CROCC2: variants seen among roughly 807,000 people sequenced by gnomAD.
CROCC2 encodes ciliary rootlet coiled-coil protein 2.
CROCC2 carries 163 observed loss-of-function variants against 177.6 expected under a neutral mutation model. That is an observed-to-expected ratio of 0.92 (90% CI 0.81 to 1.05). CROCC2 has a LOEUF of 1.05. Ranked by LOEUF, CROCC2 falls within the 50% of genes least tolerant of loss-of-function variation. The pLI, the probability that CROCC2 is intolerant of heterozygous loss-of-function variation, is 0.00. For synonymous variants in CROCC2, 904 were observed against 787.3 expected, an observed-to-expected ratio of 1.15 and a Z score of -2.48; for missense variants, 1,929 against 1,797.8, an observed-to-expected ratio of 1.07 and a Z score of -1.32.
At chr2:240,923,074 C>T (rs370117818) in intron 4 of CROCC2, among the ~76,000 whole-genome samples, 21 of 152,218 alleles carry the variant, frequency 1.4e-4, no homozygotes, top group African/African-American at 4.6e-4. Flanking sequence ...CCCTCCCCCG[C>T]TCCACAGGCC....
intron 4 of CROCC2, 76 bp from the exon 5 acceptor site, chr2:240,925,648 T>C: frequency 1.6e-6 from 1 of 632,984 alleles, no homozygotes; most frequent in East Asian, 2.7e-5. Flanking sequence ...TTCAAGCCCC[T>C]TGACTTGGGG....
chr2:240,933,071 G>A, intron 9 of CROCC2, 60 bp from the exon 10 acceptor site: 1 of 1,541,916 alleles, frequency 6.5e-7, no homozygotes. Flanking sequence ...GCCCTGGTGG[G>A]CCTCGGTGGG....
At chr2:240,942,140 A>C (rs2059498488) in intron 14 of CROCC2, among the ~76,000 whole-genome samples, 1 of 152,252 alleles carries the variant, frequency 6.6e-6, no homozygotes, top group South Asian at 2.1e-4. Flanking sequence ...ACCCAGTCTC[A>C]GGTACTTTGT....
chr2:240,971,468 G>T (rs115005249), intron 27 of CROCC2, among the ~76,000 whole-genome samples: 1 of 152,138 alleles, frequency 6.6e-6, no homozygotes, highest in Non-Finnish European at 1.5e-5. Flanking sequence ...CTCCTTGTTT[G>T]CCTCTGACCT....
intron 14 of CROCC2, among the ~76,000 whole-genome samples, chr2:240,941,468 G>C (rs1328850380): frequency 6.6e-6 from 1 of 152,152 alleles, no homozygotes; most frequent in Non-Finnish European, 1.5e-5. Context: ...CATGGTACTG[G>C]TATAAAAATA....
intron 1 of CROCC2, among the ~76,000 whole-genome samples, chr2:240,914,359 C>T (rs1257694809): frequency 6.6e-6 from 1 of 152,226 alleles, no homozygotes; most frequent in Non-Finnish European, 1.5e-5. Context: ...GATGTGAAAA[C>T]GTTTGCAAGT....
Position 240,989,836 on chromosome 2 carries a change from A to G in CROCC2, c.4863+3A>G, listed in dbSNP as rs745413361. The G allele has an allele frequency of 6.2e-4, 950 of 1,537,810 alleles. 4 individuals carry two copies. Among genetic ancestry groups the G allele is most frequent in the Admixed American group, 7.5e-4 (38 of 50,562 alleles). On this transcript the variant is annotated splice_donor_region_variant and intron_variant, in intron 30 of 31. Coordinates refer to ENST00000690015, the MANE Select transcript of CROCC2 (RefSeq NM_001351305.2). ...AGGTAAAGGTGCTGGAAGAGCAGGT[A>G]AGGTCGGGACCCCAGCCCCCTGGGT...
intron 12 of CROCC2, 52 bp downstream of exon 12, chr2:240,934,527 C>G: frequency 6.6e-7 from 1 of 1,505,240 alleles, no homozygotes; most frequent in South Asian, 1.3e-5. Flanking sequence ...CCCCCACCCA[C>G]CCTGGCCTCA....
chr2:240,933,051 G>C lies in CROCC2; in HGVS notation c.1252-80G>C, dbSNP rs1574758774. ...CCAGTGTCGGGGGTGTCCTTTCTGG[G>C]GAGTCGCAAGCCCTGGTGGGCCTCG... On this transcript the variant is annotated intron_variant, in intron 9 of 31. Coordinates refer to ENST00000690015, the MANE Select transcript of CROCC2 (RefSeq NM_001351305.2). The C allele has an allele frequency of 3.9e-6, 6 of 1,527,730 alleles. No homozygotes were observed. The East Asian group carries it at 7.4e-5, about 19-fold the overall frequency. 94.6% of individuals were successfully genotyped at this position (1,527,730 alleles called of 1,614,324 possible). A position where few individuals can be genotyped will look rare whatever the true frequency, so the allele number is the denominator to read the frequency against.
At chr2:240,978,469 G>T (rs184732672) in intron 27 of CROCC2, among the ~76,000 whole-genome samples, 4 of 24,080 alleles carry the variant, frequency 1.7e-4, no homozygotes, top group Admixed American at 4.3e-4. Context: ...AGCCTCAGGA[G>T]CCCAGGCTCA....
chr2:240,950,923 C>T lies in CROCC2; in HGVS notation c.2829+413C>T, dbSNP rs888510082. 120 of 180,976 alleles carry T rather than the reference C, an allele frequency of 6.6e-4. 1 individual carries two copies. Among genetic ancestry groups the T allele is most frequent in the Non-Finnish European group, 1.7e-4 (15 of 87,120 alleles). 11.2% of individuals were successfully genotyped at this position (180,976 alleles called of 1,614,324 possible). A position where few individuals can be genotyped will look rare whatever the true frequency, so the allele number is the denominator to read the frequency against. On this transcript the variant is annotated intron_variant, in intron 18 of 31. Transcript: ENST00000690015. Reference sequence around the variant, plus strand: ...TCCATCCATCCATCCAGCCATCCATCCACCCATTTACCTGCTCATCCATCC... The same window carrying T: ...TCCATCCATCCATCCAGCCATCCATTCACCCATTTACCTGCTCATCCATCC...
At chr2:240,983,466 C>T in intron 28 of CROCC2, 3 of 1,244,600 alleles carry the variant, frequency 2.4e-6, no homozygotes, top group Admixed American at 2.9e-5. Context: ...GGGCAGGAGG[C>T]GGCCGAGGCG....
At chr2:240,955,802 C>T in intron 18 of CROCC2, 57 bp from the exon 19 acceptor site, 1 of 1,269,272 alleles carries the variant, frequency 7.9e-7, no homozygotes, top group Non-Finnish European at 1.1e-6. Flanking sequence ...AGAGGGGGGC[C>T]TCTTCCCTCC....
intron 14 of CROCC2, among the ~76,000 whole-genome samples, chr2:240,945,604 C>G (rs934509112): frequency 6.6e-6 from 1 of 152,168 alleles, no homozygotes; most frequent in South Asian, 2.1e-4. Context: ...AAGATCTTCA[C>G]TCCTTCGGTC....
intron 27 of CROCC2, among the ~76,000 whole-genome samples, chr2:240,969,507 T>C (rs550840722): frequency 6.6e-6 from 1 of 152,286 alleles, no homozygotes; most frequent in Admixed American, 6.5e-5. Flanking sequence ...GCTGGGGCAG[T>C]AAGACTAGAG....
intron 20 of CROCC2, among the ~76,000 whole-genome samples, chr2:240,962,743 G>C (rs1180992419): frequency 6.6e-6 from 1 of 152,226 alleles, no homozygotes; most frequent in Non-Finnish European, 1.5e-5. Context: ...CCTTCTCCAG[G>C]GTTTCTGGTC....
At chr2:240,947,655 C>A (rs868761438) in intron 15 of CROCC2, among the ~76,000 whole-genome samples, 3 of 152,194 alleles carry the variant, frequency 2.0e-5, no homozygotes, top group Non-Finnish European at 4.4e-5. Flanking sequence ...TGTGGGAAAC[C>A]GTGCTGCAGC....
chr2:240,919,043 AGGTG>A, intron 2 of CROCC2, among the ~76,000 whole-genome samples, 167 bp downstream of exon 2: 1 of 34,424 alleles, frequency 2.9e-5, no homozygotes, highest in East Asian at 7.8e-4. Flanking sequence ...GGGCTGGGCA[AGGTG>A]ATGGCGTGGG....
intron 25 of CROCC2, 82 bp downstream of exon 25, chr2:240,966,491 C>T (rs531612637): frequency 5.8e-5 from 23 of 398,478 alleles, no homozygotes; most frequent in Non-Finnish European, 9.3e-5. Context: ...CATCCATCCG[C>T]GCGTCCCTGG....
Sources: allele counts gnomAD v4.1 joint callset (sites outside exome capture counted in the v4.1 genomes callset), GRCh38; gene constraint gnomAD v4.1.1; transcripts MANE v1.5; gene names NCBI Gene and HGNC (gene_info 2026-07-23, HGNC 2026-07-21).